The following FAM120A variants were observed in gnomAD, a reference collection of about 807,000 sequenced individuals.
FAM120A encodes the protein constitutive coactivator of PPAR-gamma-like protein 1.
Under a neutral mutation model 109.7 loss-of-function variants are expected in FAM120A, and 15 were observed. That is an observed-to-expected ratio of 0.14 (90% CI 0.09 to 0.21). The LOEUF is 0.21. Ranked by LOEUF, FAM120A falls within the 10% of genes least tolerant of loss-of-function variation. FAM120A has a pLI of 1.00. For synonymous variants in FAM120A, 493 were observed against 572.8 expected (o/e 0.86, Z 1.99); for missense variants, 899 against 1,439.3 (o/e 0.62, Z 6.07).
intron 1 of FAM120A, among the ~76,000 whole-genome samples, chr9:93,468,235 CTG>C (rs917322304): frequency 5.9e-5 from 9 of 152,156 alleles, no homozygotes; most frequent in Non-Finnish European, 5.9e-5. Flanking sequence ...ACTGGATAGA[CTG>C]TATCTTACTA....
intron 5 of FAM120A, among the ~76,000 whole-genome samples, chr9:93,503,526 G>A (rs1017249591): frequency 6.6e-6 from 1 of 152,162 alleles, no homozygotes; most frequent in Non-Finnish European, 1.5e-5. Context: ...ATCTGGAAAA[G>A]GCCAAAAGTA....
At chr9:93,524,854 C>G (rs1861004610) in intron 7 of FAM120A, among the ~76,000 whole-genome samples, 1 of 152,202 alleles carries the variant, frequency 6.6e-6, no homozygotes, top group South Asian at 2.1e-4. Flanking sequence ...GACTCTACTT[C>G]CCTGTGGCCG....
intron 7 of FAM120A, among the ~76,000 whole-genome samples, chr9:93,525,818 G>A (rs1461956878): frequency 6.6e-6 from 1 of 152,230 alleles, no homozygotes; most frequent in Non-Finnish European, 1.5e-5. Flanking sequence ...GGCAGAGATT[G>A]TGCATGAGCA....
intron 12 of FAM120A, among the ~76,000 whole-genome samples, chr9:93,551,626 G>A (rs1588908255): frequency 2.0e-5 from 3 of 151,970 alleles, no homozygotes; most frequent in South Asian, 4.2e-4. Context: ...TCTTTCCATG[G>A]AGGGGAATTT....
At chr9:93,479,879 T>C (rs1415985630) in intron 3 of FAM120A, among the ~76,000 whole-genome samples, 1 of 152,150 alleles carries the variant, frequency 6.6e-6, no homozygotes, top group Non-Finnish European at 1.5e-5. Flanking sequence ...ACAGCCCTGG[T>C]TGTGTTGAAA....
intron 9 of FAM120A, chr9:93,530,505 T>TCC (rs1290959593): frequency 6.6e-6 from 1 of 152,234 alleles, no homozygotes; most frequent in East Asian, 1.9e-4. Context: ...GAGGTGGACT[T>TCC]CAACTGTTAA....
At chr9:93,464,401 G>T (rs1477681823) in intron 1 of FAM120A, among the ~76,000 whole-genome samples, 8 of 152,080 alleles carry the variant, frequency 5.3e-5, no homozygotes, top group Admixed American at 5.2e-4. Flanking sequence ...ACCAGAAACG[G>T]GCCCTTTTGC....
intron 10 of FAM120A, among the ~76,000 whole-genome samples, chr9:93,539,437 G>C (rs4552973): frequency 0.24 from 36,625 of 152,152 alleles, 5,640 homozygotes; most frequent in African/African-American, 0.44. Context: ...AATATTTGTT[G>C]GTGGTGATAC....
At chr9:93,480,382 C>T (rs1380892303) in intron 3 of FAM120A, among the ~76,000 whole-genome samples, 6 of 152,078 alleles carry the variant, frequency 3.9e-5, no homozygotes, top group Non-Finnish European at 8.8e-5. Flanking sequence ...TGCTGCAGTC[C>T]CGGAGATGCC....
At chr9:93,544,504 T>C (rs1861814588) in intron 11 of FAM120A, among the ~76,000 whole-genome samples, 1 of 152,232 alleles carries the variant, frequency 6.6e-6, no homozygotes, top group African/African-American at 2.4e-5. Context: ...TTCATTAGGT[T>C]TTGGAGTTGA....
At position 93,516,137 on chromosome 9, in the gene FAM120A, C is replaced by G. The variant is rs770103595; in HGVS notation, c.1286C>G (p.Pro429Arg). Residue 429 changes from proline to arginine, a missense_variant, in exon 7 of 18, where the codon CCG becomes CGG. Pro to Arg is a moderately radical substitution (Grantham distance 103). Transcript: ENST00000277165. ...ATTCCTCACGAAGGGAAGCACACGC[C>G]GCTGTATGAGCGGTCCTCGCCCATC... ...SNIPHEGKHTPLYERSSPINP... is the reference protein window; with the variant it reads ...SNIPHEGKHTRLYERSSPINP... The G allele has an allele frequency of 1.2e-6, 2 of 1,613,970 alleles. No homozygotes were observed. The highest frequency in any genetic ancestry group is 1.7e-6 in the Non-Finnish European group (2 of 1,179,868).
chr9:93,474,652 G>A (rs1022095690), intron 2 of FAM120A, among the ~76,000 whole-genome samples: 7 of 151,878 alleles, frequency 4.6e-5, no homozygotes, highest in African/African-American at 1.7e-4. Flanking sequence ...GGAGTGCAGT[G>A]GCATGATCTC....
At chr9:93,552,683 A>G (rs1250227345) in intron 12 of FAM120A, among the ~76,000 whole-genome samples, 3 of 152,270 alleles carry the variant, frequency 2.0e-5, no homozygotes, top group Admixed American at 6.5e-5. Flanking sequence ...TGAGGGTTCC[A>G]AAATTCAGTG....
intron 10 of FAM120A, among the ~76,000 whole-genome samples, chr9:93,536,179 A>G (rs924835590): frequency 4.6e-5 from 7 of 152,240 alleles, no homozygotes; most frequent in Non-Finnish European, 5.9e-5. Context: ...TGTCTAATCT[A>G]TGGCCACTCT....
chr9:93,496,000 T>C (rs1398977875), intron 3 of FAM120A, among the ~76,000 whole-genome samples: 1 of 152,240 alleles, frequency 6.6e-6, no homozygotes, highest in Non-Finnish European at 1.5e-5. Flanking sequence ...CAGAAGTAGA[T>C]TCCATCTCAA....
intron 14 of FAM120A, among the ~76,000 whole-genome samples, chr9:93,558,221 C>G (rs1244248268): frequency 1.3e-5 from 2 of 152,220 alleles, no homozygotes; most frequent in Non-Finnish European, 2.9e-5. Context: ...AAAAGCTGCA[C>G]CGTAAAATCT....
chr9:93,534,275 G>A (rs1368971105), intron 10 of FAM120A, among the ~76,000 whole-genome samples: 3 of 152,140 alleles, frequency 2.0e-5, no homozygotes, highest in Non-Finnish European at 4.4e-5. Flanking sequence ...AGGGGAGGTG[G>A]GGATTGTGGA....
intron 3 of FAM120A, 84 bp downstream of exon 3, chr9:93,476,422 A>G (rs1016554720): frequency 1.1e-6 from 1 of 892,658 alleles, no homozygotes; most frequent in Non-Finnish European, 1.8e-6. Context: ...TAGGCCCTTT[A>G]TTGGTGATGC....
chr9:93,554,120 T>C (rs982072815), intron 12 of FAM120A, among the ~76,000 whole-genome samples: 7 of 87,464 alleles, frequency 8.0e-5, no homozygotes, highest in South Asian at 1.1e-3. Context: ...GGCCATTTGA[T>C]ACACACACAC....
Sources: allele counts gnomAD v4.1 joint callset (sites outside exome capture counted in the v4.1 genomes callset), GRCh38; gene constraint gnomAD v4.1.1; transcripts MANE v1.5; gene names NCBI Gene and HGNC (gene_info 2026-07-23, HGNC 2026-07-21).